The following BUB1 variants were observed in gnomAD, a reference collection of about 807,000 sequenced individuals.
BUB1 encodes mitotic checkpoint serine/threonine-protein kinase BUB1.
Under a neutral mutation model 135.2 loss-of-function variants are expected in BUB1, and 84 were observed. That is an observed-to-expected ratio of 0.62 (90% CI 0.52 to 0.74). The LOEUF is 0.74. Among genes scored for constraint, BUB1 ranks in the 30% least tolerant of loss-of-function variants. The pLI is 0.00. For synonymous variants in BUB1, 403 were observed against 434.4 expected (o/e 0.93, Z 0.90); for missense variants, 1,162 against 1,288.3 (o/e 0.90, Z 1.50).
intron 15 of BUB1, 33 bp downstream of exon 15, chr2:110,657,003 G>C: frequency 6.5e-7 from 1 of 1,540,832 alleles, no homozygotes; most frequent in African/African-American, 1.4e-5. Flanking sequence ...TGGGTTGTAG[G>C]ACCCATTTCA....
chr2:110,657,068 G>A lies in BUB1; in HGVS notation c.1666C>T (p.Arg556Cys), dbSNP rs147598051. The A allele has an allele frequency of 1.7e-5, 27 of 1,613,106 alleles. No individual in the cohort carries two copies. Among genetic ancestry groups the A allele is most frequent in the East Asian group, 6.7e-5 (3 of 44,832 alleles). ...TTTGAAGGAAGTCTGCTGACAGAGC[G>A]TTCTCCAAAGGTCCTGGCTCCTGTG... ...KPTGARTFGE[R>C]SVSRLPSKPK... The change falls in exon 15 of 25, where the codon CGC becomes TGC. Residue 556 changes from arginine (R) to cysteine (C), a missense_variant. By Grantham distance (180) the Arg-to-Cys change is radical (BLOSUM62 -3). Transcript: ENST00000302759.
At chr2:110,673,000 G>T in intron 3 of BUB1, 143 bp from the exon 4 acceptor site, 1 of 799,430 alleles carries the variant, frequency 1.3e-6, no homozygotes, top group Non-Finnish European at 1.8e-6. Flanking sequence ...AGGTTTAGAG[G>T]GTTGGACTTT....
intron 14 of BUB1, 27 bp from the exon 15 acceptor site, chr2:110,657,144 A>G: frequency 6.4e-7 from 1 of 1,565,398 alleles, no homozygotes; most frequent in Non-Finnish European, 8.8e-7. Flanking sequence ...TAAATTATAA[A>G]TAGTAAAATA....
At position 110,678,015 on chromosome 2, in the gene BUB1, G is replaced by C; in HGVS notation, c.-20C>G. 1 of 1,601,736 alleles carries C rather than the reference G, an allele frequency of 6.2e-7. No individual in the cohort carries two copies. The highest frequency in any genetic ancestry group is 8.5e-7 in the Non-Finnish European group (1 of 1,175,066). Reference sequence around the variant, plus strand: ...GTCCATGGCCAGAGGACGCTGGCCGGCAGCGGCCAAACCTGAACCGCAAAC... The same window carrying C: ...GTCCATGGCCAGAGGACGCTGGCCGCCAGCGGCCAAACCTGAACCGCAAAC... On this transcript the variant is annotated 5_prime_UTR_variant, in exon 1 of 25. Coordinates refer to ENST00000302759, the MANE Select transcript of BUB1 (RefSeq NM_004336.5).
chr2:110,655,661 C>T, intron 16 of BUB1, 78 bp downstream of exon 16: 1 of 1,309,676 alleles, frequency 7.6e-7, no homozygotes, highest in Non-Finnish European at 1.0e-6. Context: ...AAGAAAACTA[C>T]AAGAATCAAA....
chr2:110,637,850 T>C lies in BUB1; in HGVS notation c.*114A>G, dbSNP rs1176480896. On this transcript the variant is annotated 3_prime_UTR_variant, in exon 25 of 25. Transcript: ENST00000302759. ...AACTAAGTTACATGGAAATATTCCA[T>C]GGGATTTATTTTTAACAAACATTTA... 3.9e-6 allele frequency: 3 copies of C among 777,590 alleles called. No homozygotes were observed. Among genetic ancestry groups the C allele is most frequent in the South Asian group, 8.0e-5 (2 of 24,858 alleles). The allele number at this position is 777,590 out of a possible 1,614,324, so 48.2% of individuals were successfully genotyped here. A position where few individuals can be genotyped will look rare whatever the true frequency, so the allele number is the denominator to read the frequency against.
At position 110,658,610 on chromosome 2, in the gene BUB1, T is replaced by G; in HGVS notation, c.1405+4A>C. 1 of 1,614,212 alleles carries G rather than the reference T, an allele frequency of 6.2e-7. No individual in the cohort carries two copies. The highest frequency in any genetic ancestry group is 1.7e-5 in the Admixed American group (1 of 60,020). On this transcript the variant is annotated splice_donor_region_variant and intron_variant, in intron 12 of 24. Transcript: ENST00000302759. ...GTGCTACACACTCAGATAAAATACT[T>G]TACCTAATGCTTCTTTTGTGTGCAC...
At chr2:110,650,284 G>A (rs921695090) in intron 18 of BUB1, among the ~76,000 whole-genome samples, 1 of 152,016 alleles carries the variant, frequency 6.6e-6, no homozygotes, top group East Asian at 1.9e-4. Flanking sequence ...TAGATTAAAA[G>A]CCTGGCACGT....
chr2:110,655,973 A>C (rs1689924691), intron 15 of BUB1, 57 bp from the exon 16 acceptor site: 1 of 1,504,826 alleles, frequency 6.6e-7, no homozygotes. Flanking sequence ...AGTCCATGAA[A>C]CCTTATTCAA....
In BUB1 at chr2:110,674,335, C is replaced by T. The variant is rs1021793807; in HGVS notation, c.57G>A (p.Lys19=). The change falls in exon 2 of 25, where the codon AAG becomes AAA. Residue 19 remains lysine, a synonymous_variant. Transcript: ENST00000302759. The part of the protein sequence containing the change: ...QMLEAHMQSY[K]GNDPLGEWER... ...CCCATTCACCAAGAGGGTCATTGCC[C>T]TTGTAGCTCTGCATGTGGGCTTCAA... 1 of 1,613,970 alleles carries T rather than the reference C, an allele frequency of 6.2e-7. No homozygotes were observed. Among genetic ancestry groups the T allele is most frequent in the African/African-American group, 1.3e-5 (1 of 74,982 alleles).
chr2:110,662,291 G>A (rs1409947238), intron 9 of BUB1, among the ~76,000 whole-genome samples: 2 of 152,076 alleles, frequency 1.3e-5, no homozygotes, highest in Non-Finnish European at 2.9e-5. Context: ...TTTCATAGCC[G>A]TTTTCACTTT....
At chr2:110,653,792 C>T (rs1029619350) in intron 16 of BUB1, among the ~76,000 whole-genome samples, 3 of 152,048 alleles carry the variant, frequency 2.0e-5, no homozygotes, top group Non-Finnish European at 4.4e-5. Context: ...TCACTTGAGG[C>T]CAGTAGTTTG....
intron 19 of BUB1, among the ~76,000 whole-genome samples, chr2:110,647,954 T>C (rs1166004656): frequency 6.6e-6 from 1 of 152,192 alleles, no homozygotes; most frequent in African/African-American, 2.4e-5. Flanking sequence ...TTGGTGGGAA[T>C]GCTAAATGGT....
Position 110,655,810 on chromosome 2 carries a change from G to A in BUB1, c.1805C>T (p.Ser602Phe). The change falls in exon 16 of 25, where the codon TCT becomes TTT. Residue 602 changes from serine (S) to phenylalanine (F), a missense_variant. Transcript: ENST00000302759. ...TGGTGTAGACGCAAGTTGTGCAGCA[G>A]ATGTGAAGTCTCCTGGGCTCTTAGG... is the stretch of plus-strand genomic sequence containing the variant. ...PSPKSPGDFTSAAQLASTPFH... is the reference protein window; with the variant it reads ...PSPKSPGDFTFAAQLASTPFH... 2 of 1,614,000 alleles carry A rather than the reference G, an allele frequency of 1.2e-6. No individual in the cohort carries two copies.
At chr2:110,646,131 A>G (rs1036221074) in intron 19 of BUB1, among the ~76,000 whole-genome samples, 2 of 146,572 alleles carry the variant, frequency 1.4e-5, no homozygotes, top group African/African-American at 2.5e-5. Flanking sequence ...CAGAAGTTCG[A>G]GACCTGGGCA....
intron 9 of BUB1, among the ~76,000 whole-genome samples, chr2:110,663,953 C>T (rs904607436): frequency 4.0e-5 from 6 of 149,160 alleles, no homozygotes; most frequent in Non-Finnish European, 7.4e-5. Context: ...GGCGTGAACC[C>T]GGGAGGCGGA....
rs927018399 is a variant in BUB1 at position 110,661,711 on chromosome 2, G to A, written c.1088C>T (p.Pro363Leu). ...KNPREAPPVVPPLANAISAAL... is the reference protein window; with the variant it reads ...KNPREAPPVVLPLANAISAAL... Reference sequence around the variant, plus strand: ...TGCAGAAATAGCATTTGCCAAAGGAGGAACAACAGGAGGTGCCTCTCTTGG... The same window carrying A: ...TGCAGAAATAGCATTTGCCAAAGGAAGAACAACAGGAGGTGCCTCTCTTGG... Residue 363 changes from proline (P) to leucine (L), a missense_variant, in exon 10 of 25, where the codon CCT becomes CTT. Physicochemically the swap from Pro to Leu is moderately conservative, Grantham distance 98. Coordinates refer to ENST00000302759, the MANE Select transcript of BUB1 (RefSeq NM_004336.5). 1.2e-6 allele frequency: 2 copies of A among 1,614,094 alleles called. No individual in the cohort carries two copies. Among genetic ancestry groups the A allele is most frequent in the Admixed American group, 1.7e-5 (1 of 60,002 alleles).
rs765749386 is a variant in BUB1 at position 110,674,175 on chromosome 2, T to C, written c.136A>G (p.Ile46Val). Residue 46 changes from isoleucine (I) to valine (V), a missense_variant, in exon 3 of 25, where the codon ATA becomes GTA. By Grantham distance (29) the Ile-to-Val change is conservative (BLOSUM62 3). Coordinates refer to ENST00000302759, the MANE Select transcript of BUB1 (RefSeq NM_004336.5). ...TTCATTAAATGTTCTAGTAAAGTTA[T>C]CAAGTATTCTTTATTCTCAGGAAAA... ...ENFPENKEYLITLLEHLMKEF... is the reference protein window; with the variant it reads ...ENFPENKEYLVTLLEHLMKEF... 1.4e-5 allele frequency: 23 copies of C among 1,593,520 alleles called. No individual in the cohort carries two copies. The South Asian group carries it at 2.3e-4, about 16-fold the overall frequency.
In BUB1 at chr2:110,667,854, A is replaced by G; in HGVS notation, c.568-5T>C. 1 of 1,610,970 alleles carries G rather than the reference A, an allele frequency of 6.2e-7. No individual in the cohort carries two copies. Among genetic ancestry groups the G allele is most frequent in the Non-Finnish European group, 8.5e-7 (1 of 1,179,292 alleles). On this transcript the variant is annotated splice_polypyrimidine_tract_variant and splice_region_variant and intron_variant, in intron 6 of 24. Transcript: ENST00000302759. ...CACTCCAGAAAGCTCTGAACCCTAA[A>G]AAACAGAAAACAAACATGAGCATTC...
Sources: gnomAD v4.1 joint callset for allele counts (sites outside exome capture counted in the v4.1 genomes callset) on GRCh38, gnomAD v4.1.1 for gene constraint, MANE v1.5 for transcripts, NCBI Gene and HGNC (gene_info 2026-07-23, HGNC 2026-07-21) for gene names.